Variants in CALN1 observed in about 807,000 individuals in gnomAD.
CALN1 encodes the protein calneuron 1, also known as calcium-binding protein 8.
In CALN1, 17 loss-of-function variants were observed where a neutral mutation model predicts 30.6. The ratio of observed to expected loss-of-function variants is 0.56; its 90% CI spans 0.38 to 0.83. CALN1 has a LOEUF of 0.83. CALN1 is among the 40% of genes least tolerant of loss of function. The pLI, the probability that CALN1 is intolerant of heterozygous loss-of-function variation, is 0.00. For missense variants in CALN1, 291 were observed against 354.9 expected (o/e 0.82, Z 1.45); for synonymous variants, 156 against 131.4 (o/e 1.19, Z -1.28).
intron 5 of CALN1, among the ~76,000 whole-genome samples, chr7:71,974,784 T>C (rs1199308927): frequency 1.3e-5 from 2 of 152,190 alleles, no homozygotes; most frequent in African/African-American, 4.8e-5. Context: ...TCTGGCACTC[T>C]GGGAAGGAAG....
intron 5 of CALN1, among the ~76,000 whole-genome samples, chr7:71,948,505 G>A (rs1400954186): frequency 8.6e-5 from 13 of 151,958 alleles, no homozygotes; most frequent in African/African-American, 2.9e-4. Context: ...TGAGGCGGGC[G>A]GATCACCTGA....
rs71092916 is a variant in CALN1, at chr7:71,810,896, C to CTTTTT, written c.502-409_502-405dup. ...TTCCCATATTGGTTTAAGCATGTAT[C>CTTTTT]TTTTTTTTTTTTTTTTTGAGATAGA... On this transcript the variant is annotated intron_variant, in intron 5 of 6. Transcript: ENST00000395275. Among the ~76,000 whole-genome samples, 2 of 139,196 alleles carry CTTTTT rather than the reference C, an allele frequency of 1.4e-5. 1 individual carries two copies. 91.3% of individuals were successfully genotyped at this position (139,196 alleles called of 152,430 possible).
At chr7:72,351,001 C>T (rs935301651) in intron 2 of CALN1, among the ~76,000 whole-genome samples, 1 of 151,876 alleles carries the variant, frequency 6.6e-6, no homozygotes, top group South Asian at 2.1e-4. Context: ...ATGAGCTGGG[C>T]GTGGTGGCAG....
chr7:72,367,246 G>C (rs1223294860), intron 2 of CALN1, among the ~76,000 whole-genome samples: 2 of 152,260 alleles, frequency 1.3e-5, no homozygotes, highest in East Asian at 3.9e-4. Context: ...AAACACTTTG[G>C]GAGGCTGAGG....
intron 5 of CALN1, among the ~76,000 whole-genome samples, chr7:71,969,783 T>C (rs1437893399): frequency 6.6e-6 from 1 of 151,904 alleles, no homozygotes; most frequent in Non-Finnish European, 1.5e-5. Flanking sequence ...ACTTGTCCCA[T>C]TGAATTAGGT....
chr7:71,904,409 C>G (rs758753149), intron 5 of CALN1, among the ~76,000 whole-genome samples: 5 of 152,176 alleles, frequency 3.3e-5, no homozygotes, highest in Non-Finnish European at 7.3e-5. Flanking sequence ...ATGGATGGAA[C>G]TAGAGGACAT....
At chr7:72,087,919 T>G (rs1805588933) in intron 4 of CALN1, among the ~76,000 whole-genome samples, 1 of 152,094 alleles carries the variant, frequency 6.6e-6, no homozygotes, top group Admixed American at 6.5e-5. Context: ...TCCCAGCACT[T>G]TGGGAAGCAG....
intron 2 of CALN1, among the ~76,000 whole-genome samples, chr7:72,326,949 G>A (rs888605831): frequency 6.6e-6 from 1 of 152,140 alleles, no homozygotes; most frequent in Admixed American, 6.5e-5. Context: ...TGCAGTCAAT[G>A]TCTTCTAAAC....
intron 5 of CALN1, among the ~76,000 whole-genome samples, chr7:71,906,184 A>G (rs1055528569): frequency 4.6e-5 from 7 of 152,204 alleles, no homozygotes; most frequent in African/African-American, 1.7e-4. Context: ...CATTGCTGGA[A>G]GCAGTGTGCT....
At chr7:71,816,054 C>G (rs970817706) in intron 5 of CALN1, among the ~76,000 whole-genome samples, 1 of 150,066 alleles carries the variant, frequency 6.7e-6, no homozygotes, top group African/African-American at 2.5e-5. Context: ...TTTTTCTTTA[C>G]AGAGAGAGTC....
chr7:71,822,680 AT>A (rs1788665376), intron 5 of CALN1, among the ~76,000 whole-genome samples: 1 of 152,228 alleles, frequency 6.6e-6, no homozygotes, highest in African/African-American at 2.4e-5. Flanking sequence ...AAATTATCAA[AT>A]TCAAGAAACT....
chr7:72,497,580 G>A, the CALN1 span, among the ~76,000 whole-genome samples: 2 of 152,226 alleles, frequency 1.3e-5, no homozygotes, highest in Non-Finnish European at 2.9e-5. Flanking sequence ...CTAGGGTTAA[G>A]AGCTACATCC....
intron 6 of CALN1, among the ~76,000 whole-genome samples, chr7:71,796,733 C>A (rs1786951699): frequency 6.6e-6 from 1 of 152,294 alleles, no homozygotes; most frequent in Non-Finnish European, 1.5e-5. Context: ...TCTTTTCTAT[C>A]TTCCCACTAA....
At chr7:71,918,705 C>A (rs1173257177) in intron 5 of CALN1, among the ~76,000 whole-genome samples, 2 of 152,146 alleles carry the variant, frequency 1.3e-5, no homozygotes, top group Non-Finnish European at 2.9e-5. Context: ...CCTAAAGCAG[C>A]CTAGACCAAG....
At chr7:72,161,317 A>G (rs1585065063) in intron 3 of CALN1, among the ~76,000 whole-genome samples, 2 of 152,154 alleles carry the variant, frequency 1.3e-5, no homozygotes, top group South Asian at 4.1e-4. Context: ...GGACTTCAGA[A>G]ATATCTACCT....
chr7:71,832,672 C>T (rs1041389939), intron 5 of CALN1, among the ~76,000 whole-genome samples: 3 of 152,148 alleles, frequency 2.0e-5, no homozygotes, highest in African/African-American at 7.2e-5. Flanking sequence ...ACAATCTTGG[C>T]TCACTGCAAC....
At chr7:72,256,366 A>T (rs1354440822) in intron 3 of CALN1, among the ~76,000 whole-genome samples, 1 of 152,094 alleles carries the variant, frequency 6.6e-6, no homozygotes, top group African/African-American at 2.4e-5. Context: ...AGGCTGAGGT[A>T]GGAAGATCAC....
intron 3 of CALN1, among the ~76,000 whole-genome samples, chr7:72,137,037 G>A (rs899718794): frequency 2.0e-5 from 3 of 152,142 alleles, no homozygotes; most frequent in African/African-American, 7.2e-5. Flanking sequence ...AACCTGAGAG[G>A]GGCTTCTGGC....
chr7:71,849,000 T>C (rs929537621), intron 5 of CALN1, among the ~76,000 whole-genome samples: 5 of 152,210 alleles, frequency 3.3e-5, no homozygotes, highest in Non-Finnish European at 7.3e-5. Context: ...ATGGTGGCTT[T>C]CCCCATGTGA....
Sources: allele counts gnomAD v4.1 joint callset (sites outside exome capture counted in the v4.1 genomes callset), GRCh38; gene constraint gnomAD v4.1.1; transcripts MANE v1.5; gene names NCBI Gene and HGNC (gene_info 2026-07-23, HGNC 2026-07-21).